The following PRKN variants were observed in gnomAD, a reference collection of about 807,000 sequenced individuals.
PRKN encodes the protein parkin RBR E3 ubiquitin protein ligase.
Under a neutral mutation model 59.5 loss-of-function variants are expected in PRKN, and 56 were observed. The ratio of observed to expected loss-of-function variants is 0.94; its 90% CI spans 0.76 to 1.18. The LOEUF is 1.18. Among genes scored for constraint, PRKN ranks in the 50% most tolerant of loss-of-function variants. The pLI is 0.00. For synonymous variants in PRKN, 250 were observed against 222.1 expected, an observed-to-expected ratio of 1.13 and a Z score of -1.12; for missense variants, 657 against 596.4, an observed-to-expected ratio of 1.10 and a Z score of -1.06.
At chr6:162,020,608 C>G (rs989336894) in intron 5 of PRKN, among the ~76,000 whole-genome samples, 1 of 152,094 alleles carries the variant, frequency 6.6e-6, no homozygotes, top group Non-Finnish European at 1.5e-5. Flanking sequence ...TCAAGCTTAT[C>G]AGCATCTACT....
intron 1 of PRKN, among the ~76,000 whole-genome samples, chr6:162,686,420 GTT>G (rs1044615574): frequency 3.5e-4 from 54 of 152,136 alleles, no homozygotes; most frequent in African/African-American, 1.2e-3. Context: ...AGAAGTTTTT[GTT>G]TTGTTTTGTT....
intron 6 of PRKN, among the ~76,000 whole-genome samples, chr6:161,897,855 T>C (rs1425563513): frequency 1.3e-5 from 2 of 149,590 alleles, no homozygotes; most frequent in African/African-American, 5.0e-5. Context: ...TAGTCCCAGC[T>C]ACTCGGGAGG....
chr6:161,826,523 T>C lies in PRKN; in HGVS notation c.735-40615A>G, dbSNP rs556517904. ...AAAGTGAAGGTTTCTAAAAGTTCTA[T>C]TTGTGGACGTCTGCACCCGTGTTTT... On this transcript the variant is annotated intron_variant, in intron 6 of 11. Coordinates refer to ENST00000366898, the MANE Select transcript of PRKN (RefSeq NM_004562.3). 1.3e-3 allele frequency among the ~76,000 whole-genome samples: 194 copies of C among 152,322 alleles called. 1 individual carries two copies. Among genetic ancestry groups the C allele is most frequent in the African/African-American group, 4.5e-3 (189 of 41,570 alleles).
intron 6 of PRKN, among the ~76,000 whole-genome samples, chr6:161,881,578 G>A (rs1177454944): frequency 2.0e-5 from 3 of 151,944 alleles, no homozygotes; most frequent in African/African-American, 4.8e-5. Context: ...TTGCAAATAC[G>A]TACAATCCCC....
At position 161,423,367 on chromosome 6, in the gene PRKN, A is replaced by G. The variant is rs1349064067; in HGVS notation, c.1084-36490T>C. Among the ~76,000 whole-genome samples, 1 of 152,224 alleles carries G rather than the reference A, an allele frequency of 6.6e-6. No individual in the cohort carries two copies. The highest frequency in any genetic ancestry group is 1.5e-5 in the Non-Finnish European group (1 of 68,042). ...ACACGCTGTGTAACTTGCAGCTTACATGTAAATAATTCGGAGGTGAGTACT... is the reference window on the plus strand; with the variant it reads ...ACACGCTGTGTAACTTGCAGCTTACGTGTAAATAATTCGGAGGTGAGTACT... On this transcript the variant is annotated intron_variant, in intron 9 of 11. Transcript: ENST00000366898. The surrounding 1 kb of genome is among the most constrained non-coding windows in gnomAD (Gnocchi z 5.9).
intron 1 of PRKN, among the ~76,000 whole-genome samples, chr6:162,448,431 C>T (rs375451478): frequency 1.1e-4 from 16 of 152,234 alleles, no homozygotes; most frequent in East Asian, 3.9e-4. Flanking sequence ...TGAGCCAACA[C>T]TTGAAGACTG....
chr6:161,864,609 T>C lies in PRKN; in HGVS notation c.735-78701A>G, dbSNP rs146679910. ...ATCGTTTTAATGACATCTAGAATGG[T>C]GAATTCTTTCCAAAAGGTGTTTTTG... is the stretch of plus-strand genomic sequence containing the variant. On this transcript the variant is annotated intron_variant, in intron 6 of 11. Transcript: ENST00000366898. Among the ~76,000 whole-genome samples the C allele has an allele frequency of 1.0e-3, 154 of 152,102 alleles. 1 individual carries two copies. Among genetic ancestry groups the C allele is most frequent in the African/African-American group, 3.5e-3 (146 of 41,408 alleles).
In PRKN at chr6:161,741,979, T is replaced by C. The variant is rs149727156; in HGVS notation, c.871+43793A>G. On this transcript the variant is annotated intron_variant, in intron 7 of 11. Coordinates refer to ENST00000366898, the MANE Select transcript of PRKN (RefSeq NM_004562.3). ...ATTTATTTATTTATTTATTTATTTA[T>C]TTATTTTGAGACGGAGTCTTGCTCT... 2.5e-3 allele frequency among the ~76,000 whole-genome samples: 338 copies of C among 134,014 alleles called. 1 individual carries two copies. The highest frequency in any genetic ancestry group is 8.2e-3 in the African/African-American group (311 of 37,838). 87.9% of individuals were successfully genotyped at this position (134,014 alleles called of 152,430 possible). A position where few individuals can be genotyped will look rare whatever the true frequency, so the allele number is the denominator to read the frequency against.
In PRKN at chr6:162,358,940, A is replaced by G. The variant is rs76799734; in HGVS notation, c.171+84370T>C. On this transcript the variant is annotated intron_variant, in intron 2 of 11. Coordinates refer to ENST00000366898, the MANE Select transcript of PRKN (RefSeq NM_004562.3). ...CTGGGTGTGGTGGCGGCTGCCTGCA[A>G]TCCCAGATACTGAGGAGACTGAGTC... Among the ~76,000 whole-genome samples the G allele has an allele frequency of 4.3e-3, 656 of 151,094 alleles. 8 individuals are homozygous for G. Among genetic ancestry groups the G allele is most frequent in the East Asian group, 0.023 (117 of 5,124 alleles).
At chr6:162,140,740 G>T (rs1238654486) in intron 4 of PRKN, among the ~76,000 whole-genome samples, 1 of 128,548 alleles carries the variant, frequency 7.8e-6, no homozygotes, top group East Asian at 2.1e-4. Flanking sequence ...GGTGGATTGG[G>T]TCAGGAATAT....
chr6:162,628,127 G>A (rs1782969213), intron 1 of PRKN, among the ~76,000 whole-genome samples: 6 of 152,142 alleles, frequency 3.9e-5, no homozygotes, highest in Admixed American at 3.9e-4. Context: ...TTAGAAGCCA[G>A]ACTGTCATGA....
rs1193789010 is a variant in PRKN at position 162,261,650 on chromosome 6, G to A, written c.412+875C>T. On this transcript the variant is annotated intron_variant, in intron 3 of 11. Coordinates refer to ENST00000366898, the MANE Select transcript of PRKN (RefSeq NM_004562.3). ...ACCTGAGGTGCCCAGCTCACATGAA[G>A]CAGAGCCTCTTTCCCTCCCACAATC... 8.6e-5 allele frequency among the ~76,000 whole-genome samples: 13 copies of A among 151,556 alleles called. 1 individual carries two copies. In the East Asian group the frequency reaches 2.1e-3, roughly 25 times the overall value.
chr6:162,123,982 T>C (rs909860376), intron 4 of PRKN, among the ~76,000 whole-genome samples: 2 of 152,164 alleles, frequency 1.3e-5, no homozygotes, highest in Admixed American at 6.6e-5. Context: ...CTTCTTCCTG[T>C]TGAGTTGATT....
intron 10 of PRKN, among the ~76,000 whole-genome samples, chr6:161,374,189 T>C (rs1159482576): frequency 6.6e-6 from 1 of 152,030 alleles, no homozygotes; most frequent in East Asian, 1.9e-4. Context: ...GGCGAGTGTG[T>C]GCAGTGTTAT....
chr6:161,897,945 T>C (rs369788754), intron 6 of PRKN, among the ~76,000 whole-genome samples: 1,040 of 50,586 alleles, frequency 0.021, 5 homozygotes, highest in Middle Eastern at 0.095. Context: ...CCAGCCTGGG[T>C]GACAGAGCGA....
At chr6:162,024,342 A>T (rs1783337673) in intron 5 of PRKN, among the ~76,000 whole-genome samples, 2 of 151,652 alleles carry the variant, frequency 1.3e-5, no homozygotes, top group African/African-American at 4.8e-5. Flanking sequence ...GGGTAATTGC[A>T]TGTGCCAACA....
At chr6:162,447,641 G>A (rs1055978750) in intron 1 of PRKN, among the ~76,000 whole-genome samples, 2 of 152,052 alleles carry the variant, frequency 1.3e-5, no homozygotes, top group African/African-American at 4.8e-5. Flanking sequence ...TGGTGGATGG[G>A]CCCTTATATT....
At chr6:162,329,044 C>T (rs929755106) in intron 2 of PRKN, among the ~76,000 whole-genome samples, 3 of 152,212 alleles carry the variant, frequency 2.0e-5, no homozygotes, top group East Asian at 1.9e-4. Context: ...TATATAAGTG[C>T]GTATCTGTAT....
At chr6:162,598,543 T>C (rs1477234138) in intron 1 of PRKN, among the ~76,000 whole-genome samples, 1 of 151,900 alleles carries the variant, frequency 6.6e-6, no homozygotes, top group African/African-American at 2.4e-5. Flanking sequence ...GCCTAAGAAG[T>C]TCATGAAATA....
Sources: allele counts gnomAD v4.1 joint callset (sites outside exome capture counted in the v4.1 genomes callset), GRCh38; gene constraint gnomAD v4.1.1; non-coding constraint Gnocchi (gnomAD v3.1); transcripts MANE v1.5; gene names NCBI Gene and HGNC (gene_info 2026-07-23, HGNC 2026-07-21).